Variants in WDR70 observed in about 807,000 individuals in gnomAD.
WDR70 encodes WD repeat-containing protein 70.
In WDR70, 53 loss-of-function variants were observed where a neutral mutation model predicts 88.6. The ratio of observed to expected loss-of-function variants is 0.60; its 90% CI spans 0.48 to 0.75. WDR70 has a LOEUF of 0.75. WDR70 is among the 30% of genes least tolerant of loss of function. The probability of loss-of-function intolerance (pLI) is 0.00; values close to 1 mark genes in which losing one functional copy is unlikely to be tolerated. For synonymous variants in WDR70, 280 were observed against 270.0 expected, an observed-to-expected ratio of 1.04 and a Z score of -0.36; for missense variants, 610 against 823.2, an observed-to-expected ratio of 0.74 and a Z score of 3.17.
At chr5:37,687,912 C>T in intron 10 of WDR70, 3 of 684,340 alleles carry the variant, frequency 4.4e-6, no homozygotes, top group Non-Finnish European at 8.1e-6. Context: ...TTCTCCAGAG[C>T]AACAAGTTAA....
At chr5:37,681,179 A>G (rs1042316684) in intron 10 of WDR70, among the ~76,000 whole-genome samples, 1 of 151,842 alleles carries the variant, frequency 6.6e-6, no homozygotes, top group East Asian at 1.9e-4. Flanking sequence ...CTGTATTTCT[A>G]GGTATTTGAT....
intron 10 of WDR70, among the ~76,000 whole-genome samples, chr5:37,676,988 T>A (rs1198035010): frequency 6.6e-6 from 1 of 152,212 alleles, no homozygotes; most frequent in African/African-American, 2.4e-5. Context: ...GAGGAATTTA[T>A]CCATTTCTTC....
At chr5:37,450,656 G>A (rs911942790) in intron 7 of WDR70, among the ~76,000 whole-genome samples, 21 of 152,102 alleles carry the variant, frequency 1.4e-4, no homozygotes, top group South Asian at 2.1e-4. Context: ...TAAATTTAGC[G>A]TTACAGAATT....
At chr5:37,523,294 C>T (rs1224994350) in intron 9 of WDR70, among the ~76,000 whole-genome samples, 5 of 152,208 alleles carry the variant, frequency 3.3e-5, no homozygotes, top group East Asian at 1.9e-4. Flanking sequence ...TCCAGAGGAA[C>T]GATCAGGCAG....
At chr5:37,399,353 C>T (rs1020976676) in intron 5 of WDR70, among the ~76,000 whole-genome samples, 1 of 152,044 alleles carries the variant, frequency 6.6e-6, no homozygotes, top group African/African-American at 2.4e-5. Context: ...CCCGCAAGGC[C>T]GACTCTGCAG....
At chr5:37,673,812 C>A (rs1746107884) in intron 10 of WDR70, among the ~76,000 whole-genome samples, 1 of 152,014 alleles carries the variant, frequency 6.6e-6, no homozygotes, top group Non-Finnish European at 1.5e-5. Context: ...GTTTCCCCCT[C>A]CCCATGTGTC....
At chr5:37,534,499 C>CTTTT (rs369030841) in intron 9 of WDR70, among the ~76,000 whole-genome samples, 19,577 of 132,852 alleles carry the variant, frequency 0.15, 1,811 homozygotes, top group South Asian at 0.25. Context: ...ACAAATCAGG[C>CTTTT]TTTTTTTTTT....
intron 9 of WDR70, among the ~76,000 whole-genome samples, chr5:37,541,345 T>C (rs748956851): frequency 6.6e-6 from 1 of 152,164 alleles, no homozygotes; most frequent in Non-Finnish European, 1.5e-5. Context: ...CTGTGGGGAA[T>C]TGTGTTTTTG....
chr5:37,451,623 A>T (rs200315559), intron 7 of WDR70, among the ~76,000 whole-genome samples: 3 of 8,846 alleles, frequency 3.4e-4, no homozygotes, highest in African/African-American at 3.4e-4. Flanking sequence ...CTCTAGACAT[A>T]AAAAATATGT....
At chr5:37,568,808 G>C (rs1355689358) in intron 9 of WDR70, among the ~76,000 whole-genome samples, 1 of 152,196 alleles carries the variant, frequency 6.6e-6, no homozygotes, top group Non-Finnish European at 1.5e-5. Context: ...TGTAGAGGTA[G>C]AGTCTGTTTC....
chr5:37,727,961 T>C (rs1363925), intron 17 of WDR70, among the ~76,000 whole-genome samples: 63,854 of 152,008 alleles, frequency 0.42, 15,490 homozygotes, highest in East Asian at 0.55. Context: ...AGAGAGTACA[T>C]ATATACTACT....
intron 10 of WDR70, among the ~76,000 whole-genome samples, chr5:37,635,561 A>G: frequency 6.6e-6 from 1 of 152,180 alleles, no homozygotes; most frequent in Non-Finnish European, 1.5e-5. Flanking sequence ...TTCCCAGTGA[A>G]TTTTTAAAAA....
intron 10 of WDR70, among the ~76,000 whole-genome samples, chr5:37,632,535 T>C (rs1009914252): frequency 1.3e-5 from 2 of 150,018 alleles, no homozygotes; most frequent in Admixed American, 6.6e-5. Context: ...TAGGCTAACA[T>C]GTGTGTTTGT....
At chr5:37,432,579 C>G (rs2112025708) in intron 5 of WDR70, among the ~76,000 whole-genome samples, 1 of 147,404 alleles carries the variant, frequency 6.8e-6, no homozygotes, top group African/African-American at 2.6e-5. Flanking sequence ...TTTTTTTTTA[C>G]TAGAGATGGG....
chr5:37,600,745 CAATT>C (rs1007054327), intron 9 of WDR70, among the ~76,000 whole-genome samples: 3 of 151,916 alleles, frequency 2.0e-5, no homozygotes, highest in Non-Finnish European at 4.4e-5. Context: ...ATAAAAAAGA[CAATT>C]AAAACTGTTG....
chr5:37,414,935 C>T (rs558359230), intron 5 of WDR70, among the ~76,000 whole-genome samples: 1 of 146,706 alleles, frequency 6.8e-6, no homozygotes, highest in South Asian at 2.1e-4. Flanking sequence ...TGCGGCCTTC[C>T]GCAGTGTTTG....
chr5:37,604,440 C>G (rs560523611), intron 9 of WDR70, among the ~76,000 whole-genome samples: 1 of 152,230 alleles, frequency 6.6e-6, no homozygotes, highest in East Asian at 1.9e-4. Flanking sequence ...GGTGTTTGTT[C>G]TACCCTCCCT....
At position 37,605,961 on chromosome 5, in the gene WDR70, G is replaced by A. The variant is rs550094296; in HGVS notation, c.1092+723G>A. On this transcript the variant is annotated intron_variant, in intron 10 of 17. Transcript: ENST00000265107. ...TAAAATTCTACACAAACACATTTTG[G>A]ATATCCTTATTTTATAAAAGTTTCT... Among the ~76,000 whole-genome samples, 7 of 152,188 alleles carry A rather than the reference G, an allele frequency of 4.6e-5. No individual in the cohort carries two copies. In the South Asian group the frequency reaches 1.5e-3, roughly 32 times the overall value.
At chr5:37,470,608 C>T (rs1211993097) in intron 7 of WDR70, among the ~76,000 whole-genome samples, 1 of 152,138 alleles carries the variant, frequency 6.6e-6, no homozygotes, top group Non-Finnish European at 1.5e-5. Context: ...TGGCTTCTTT[C>T]ACTTGATTAT....
Sources: gnomAD v4.1 joint callset for allele counts (sites outside exome capture counted in the v4.1 genomes callset) on GRCh38, gnomAD v4.1.1 for gene constraint, MANE v1.5 for transcripts, NCBI Gene and HGNC (gene_info 2026-07-23, HGNC 2026-07-21) for gene names.